MAF: variants seen among roughly 807,000 people sequenced by gnomAD.
MAF encodes the protein MAF bZIP transcription factor.
Under a neutral mutation model 22.0 loss-of-function variants are expected in MAF, and 10 were observed. The ratio of observed to expected loss-of-function variants is 0.45; its 90% CI spans 0.28 to 0.77. The LOEUF is 0.77. Ranked by LOEUF, MAF falls within the 30% of genes least tolerant of loss-of-function variation. The pLI is 0.12. For missense variants in MAF, 544 were observed against 548.4 expected (o/e 0.99, Z 0.08); for synonymous variants, 337 against 255.8 (o/e 1.32, Z -3.03).
chr16:79,335,472 C>CA, the MAF span, among the ~76,000 whole-genome samples: 2 of 152,070 alleles, frequency 1.3e-5, no homozygotes, highest in African/African-American at 4.8e-5. Context: ...TCAGAAAGAC[C>CA]AGGGGGGACA....
the MAF span, among the ~76,000 whole-genome samples, chr16:79,294,088 T>C: frequency 6.6e-6 from 1 of 152,200 alleles, no homozygotes; most frequent in African/African-American, 2.4e-5. Flanking sequence ...GGTAATCTAC[T>C]GAACCTTCTG....
the MAF span, among the ~76,000 whole-genome samples, chr16:79,492,483 G>GA: frequency 0.81 from 120,604 of 148,756 alleles, 52,852 homozygotes; most frequent in East Asian, 0.97. Flanking sequence ...TATAGCAAAA[G>GA]AAAAAAAAAA....
At chr16:79,522,110 G>A in the MAF span, among the ~76,000 whole-genome samples, 1 of 152,088 alleles carries the variant, frequency 6.6e-6, no homozygotes, top group Admixed American at 6.6e-5. Flanking sequence ...ATCCTGGGGT[G>A]GACAGAGAAA....
At chr16:79,470,156 T>C in the MAF span, among the ~76,000 whole-genome samples, 86 of 152,328 alleles carry the variant, frequency 5.6e-4, no homozygotes, top group African/African-American at 2.1e-3. Flanking sequence ...ATTTGGAACA[T>C]GAAAAATGTC....
At chr16:79,513,548 G>T in the MAF span, among the ~76,000 whole-genome samples, 1 of 151,960 alleles carries the variant, frequency 6.6e-6, no homozygotes, top group Non-Finnish European at 1.5e-5. Context: ...TAGCAAAGTG[G>T]TTGTGAGCAG....
At chr16:79,203,017 C>G in the MAF span, 1 of 152,176 alleles carries the variant, frequency 6.6e-6, no homozygotes, top group South Asian at 2.1e-4. Flanking sequence ...CTATTGGCAT[C>G]AAGTGCTTTA....
the MAF span, among the ~76,000 whole-genome samples, chr16:79,313,297 G>GA: frequency 6.6e-6 from 1 of 152,096 alleles, no homozygotes; most frequent in Non-Finnish European, 1.5e-5. Flanking sequence ...GAAGGGGGAA[G>GA]AAAAAAAGTC....
At chr16:79,571,927 C>G in the MAF span, among the ~76,000 whole-genome samples, 2 of 152,182 alleles carry the variant, frequency 1.3e-5, no homozygotes. Flanking sequence ...AAAATCTCCC[C>G]CTTTCTTTGC....
chr16:79,507,357 C>T, the MAF span, among the ~76,000 whole-genome samples: 1 of 151,740 alleles, frequency 6.6e-6, no homozygotes, highest in South Asian at 2.1e-4. Flanking sequence ...ACATTGTGAT[C>T]CGCCTGCCTT....
At chr16:79,529,778 T>C in the MAF span, among the ~76,000 whole-genome samples, 3 of 152,142 alleles carry the variant, frequency 2.0e-5, no homozygotes, top group Non-Finnish European at 4.4e-5. Context: ...CTGGCCAATG[T>C]GGTGAAACCC....
the MAF span, among the ~76,000 whole-genome samples, chr16:79,238,970 C>A: frequency 6.6e-6 from 1 of 151,952 alleles, no homozygotes; most frequent in Non-Finnish European, 1.5e-5. Flanking sequence ...GAGACGCAGT[C>A]TCATCCTGTC....
the MAF span, among the ~76,000 whole-genome samples, chr16:79,505,905 C>T: frequency 1.3e-4 from 19 of 151,194 alleles, no homozygotes; most frequent in African/African-American, 3.9e-4. Context: ...AAAATCTGCA[C>T]ACCCAACGCA....
At chr16:79,570,875 C>T in the MAF span, among the ~76,000 whole-genome samples, 3,514 of 152,248 alleles carry the variant, frequency 0.023, 67 homozygotes, top group African/African-American at 0.06. Flanking sequence ...AAATGCTGAG[C>T]GTAAGGAGGA....
At chr16:79,426,185 G>A in the MAF span, among the ~76,000 whole-genome samples, 2 of 148,276 alleles carry the variant, frequency 1.3e-5, no homozygotes, top group East Asian at 2.0e-4. Context: ...CAGCCTGGGC[G>A]AGAGAGCGAG....
At chr16:79,557,051 C>A in the MAF span, among the ~76,000 whole-genome samples, 1 of 151,194 alleles carries the variant, frequency 6.6e-6, no homozygotes, top group Non-Finnish European at 1.5e-5. Context: ...CTCCCAGGCT[C>A]AAGTGATCCT....
At chr16:79,279,333 C>T in the MAF span, among the ~76,000 whole-genome samples, 1 of 152,152 alleles carries the variant, frequency 6.6e-6, no homozygotes, top group African/African-American at 2.4e-5. Context: ...ACAGCAATAC[C>T]AGCCTAGGGT....
At chr16:79,461,033 C>A in the MAF span, among the ~76,000 whole-genome samples, 2 of 152,076 alleles carry the variant, frequency 1.3e-5, no homozygotes, top group East Asian at 3.9e-4. Flanking sequence ...AAATTTGGTA[C>A]CAAAAACACA....
At chr16:79,418,304 C>G in the MAF span, among the ~76,000 whole-genome samples, 1 of 152,074 alleles carries the variant, frequency 6.6e-6, no homozygotes, top group African/African-American at 2.4e-5. Context: ...AGTTTTCGGG[C>G]TGGGGCCTCA....
At chr16:79,465,777 G>A in the MAF span, among the ~76,000 whole-genome samples, 1 of 152,134 alleles carries the variant, frequency 6.6e-6, no homozygotes, top group Non-Finnish European at 1.5e-5. Context: ...CAAAGAGGGA[G>A]CTGTAGTAGG....
Sources: gnomAD v4.1 joint callset for allele counts (sites outside exome capture counted in the v4.1 genomes callset) on GRCh38, gnomAD v4.1.1 for gene constraint, MANE v1.5 for transcripts, NCBI Gene and HGNC (gene_info 2026-07-23, HGNC 2026-07-21) for gene names.